The following PTPRG variants were observed in gnomAD, a reference collection of about 807,000 sequenced individuals.
PTPRG encodes protein tyrosine phosphatase receptor type G.
A neutral mutation model predicts 165.3 loss-of-function variants in PTPRG; 102 were observed. The observed-to-expected ratio is 0.62, with a 90% CI of 0.53 to 0.73. PTPRG has a LOEUF of 0.73. Among genes scored for constraint, PTPRG ranks in the 30% least tolerant of loss-of-function variants. PTPRG has a pLI of 0.00. For missense variants in PTPRG, 1,866 were observed against 1,861.4 expected (o/e 1.00, Z -0.05); for synonymous variants, 675 against 669.5 (o/e 1.01, Z -0.13).
intron 1 of PTPRG, among the ~76,000 whole-genome samples, chr3:61,706,488 G>GT (rs2031264356): frequency 6.7e-6 from 1 of 148,476 alleles, no homozygotes; most frequent in Non-Finnish European, 1.5e-5. Context: ...GAATGTGCAA[G>GT]TAATTTTTTT....
chr3:61,681,546 C>T (rs533378405), intron 1 of PTPRG, among the ~76,000 whole-genome samples: 3 of 152,216 alleles, frequency 2.0e-5, no homozygotes, highest in Admixed American at 6.5e-5. Flanking sequence ...AGAGAGGACT[C>T]GGCCGTTTGT....
intron 2 of PTPRG, among the ~76,000 whole-genome samples, chr3:61,960,837 C>T (rs1358368723): frequency 6.6e-6 from 1 of 152,074 alleles, no homozygotes; most frequent in Admixed American, 6.6e-5. Context: ...TGTAGCTCAG[C>T]TTTTGAATTT....
intron 2 of PTPRG, among the ~76,000 whole-genome samples, chr3:61,925,363 T>A (rs1267037020): frequency 6.6e-6 from 1 of 152,176 alleles, no homozygotes; most frequent in East Asian, 1.9e-4. Flanking sequence ...GAGCCTGGCC[T>A]TACATTGCAG....
intron 6 of PTPRG, among the ~76,000 whole-genome samples, chr3:62,147,157 A>G (rs758811691): frequency 2.0e-5 from 3 of 152,184 alleles, no homozygotes; most frequent in Non-Finnish European, 2.9e-5. Context: ...TCACTTAGAG[A>G]AAGGCCACAG....
intron 4 of PTPRG, among the ~76,000 whole-genome samples, chr3:62,010,120 T>C (rs1022390906): frequency 3.3e-5 from 5 of 152,160 alleles, no homozygotes; most frequent in African/African-American, 1.2e-4. Flanking sequence ...GGTCTTGCTA[T>C]GTTGCCCACG....
intron 1 of PTPRG, among the ~76,000 whole-genome samples, chr3:61,567,550 C>T (rs943229768): frequency 6.6e-6 from 1 of 151,136 alleles, no homozygotes; most frequent in African/African-American, 2.4e-5. Flanking sequence ...TCTTTTGTCC[C>T]CACTACTTGG....
chr3:61,767,018 CA>C (rs2106999733), intron 2 of PTPRG, among the ~76,000 whole-genome samples: 1 of 151,766 alleles, frequency 6.6e-6, no homozygotes, highest in South Asian at 2.1e-4. Flanking sequence ...CCGAGGCAGG[CA>C]GATGACTTGA....
At chr3:62,269,447 C>T (rs1302645790) in intron 20 of PTPRG, among the ~76,000 whole-genome samples, 1 of 152,060 alleles carries the variant, frequency 6.6e-6, no homozygotes, top group East Asian at 1.9e-4. Context: ...TAATACTCAG[C>T]AAATATGGCA....
chr3:61,581,930 C>T lies in PTPRG; in HGVS notation c.85+19558C>T, dbSNP rs553113381. On this transcript the variant is annotated intron_variant, in intron 1 of 29. Coordinates refer to ENST00000474889, the MANE Select transcript of PTPRG (RefSeq NM_002841.4). Reference sequence around the variant, plus strand: ...GCATATAGGTCCTTCTTTATCTTGGCATGTACTGTACTCTTATTTTATTTT... The same window carrying T: ...GCATATAGGTCCTTCTTTATCTTGGTATGTACTGTACTCTTATTTTATTTT... 2.0e-5 allele frequency among the ~76,000 whole-genome samples: 3 copies of T among 151,796 alleles called. No individual in the cohort carries two copies. The East Asian group carries it at 5.8e-4, about 30-fold the overall frequency.
intron 2 of PTPRG, among the ~76,000 whole-genome samples, chr3:61,775,436 A>C (rs1457676202): frequency 6.6e-6 from 1 of 152,210 alleles, no homozygotes; most frequent in Non-Finnish European, 1.5e-5. Flanking sequence ...CTTGCAATGC[A>C]ACATGGCCTG....
intron 5 of PTPRG, among the ~76,000 whole-genome samples, chr3:62,127,201 CA>C (rs1489708077): frequency 6.6e-6 from 1 of 152,110 alleles, no homozygotes; most frequent in African/African-American, 2.4e-5. Flanking sequence ...AAGGGCTAAC[CA>C]AAATGCAAGG....
chr3:62,291,179 G>C (rs554331671), intron 28 of PTPRG, among the ~76,000 whole-genome samples: 1 of 152,282 alleles, frequency 6.6e-6, no homozygotes, highest in South Asian at 2.1e-4. Context: ...GTAAGATACA[G>C]TCTTCCACTC....
chr3:62,152,746 G>A (rs768870851), intron 6 of PTPRG, among the ~76,000 whole-genome samples: 27 of 152,164 alleles, frequency 1.8e-4, no homozygotes, highest in Admixed American at 3.9e-4. Context: ...ATTTACTAAT[G>A]GGGGCACCTG....
intron 4 of PTPRG, among the ~76,000 whole-genome samples, chr3:62,076,913 T>G (rs1471015085): frequency 6.6e-6 from 1 of 152,198 alleles, no homozygotes; most frequent in African/African-American, 2.4e-5. Context: ...TCAAAATGTG[T>G]GCCAGCATTA....
At chr3:61,664,274 C>T (rs532046044) in intron 1 of PTPRG, among the ~76,000 whole-genome samples, 1 of 152,238 alleles carries the variant, frequency 6.6e-6, no homozygotes, top group African/African-American at 2.4e-5. Flanking sequence ...GGTAACATTA[C>T]AGTTGTGAGT....
chr3:62,049,056 G>C (rs1700386088), intron 4 of PTPRG, among the ~76,000 whole-genome samples: 1 of 151,714 alleles, frequency 6.6e-6, no homozygotes, highest in Non-Finnish European at 1.5e-5. Flanking sequence ...ACACAACTTT[G>C]AAGTTGATAA....
chr3:62,145,737 ATC>A (rs1704097032), intron 6 of PTPRG, among the ~76,000 whole-genome samples: 1 of 152,220 alleles, frequency 6.6e-6, no homozygotes, highest in Admixed American at 6.5e-5. Context: ...ATCTTATTGA[ATC>A]CCATCAGCAA....
At chr3:61,751,823 T>C (rs2033443005) in intron 2 of PTPRG, among the ~76,000 whole-genome samples, 1 of 151,916 alleles carries the variant, frequency 6.6e-6, no homozygotes. Flanking sequence ...ATCCCGTCTC[T>C]ACTAAAAATA....
chr3:61,943,593 A>T (rs1421722922), intron 2 of PTPRG, among the ~76,000 whole-genome samples: 5 of 152,134 alleles, frequency 3.3e-5, no homozygotes, highest in Non-Finnish European at 5.9e-5. Context: ...AATAATAATA[A>T]TTTTTACCTT....
Sources: allele counts gnomAD v4.1 joint callset (sites outside exome capture counted in the v4.1 genomes callset), GRCh38; gene constraint gnomAD v4.1.1; transcripts MANE v1.5; gene names NCBI Gene and HGNC (gene_info 2026-07-23, HGNC 2026-07-21).